TRAF3: variants seen among roughly 807,000 people sequenced by gnomAD.
TRAF3 encodes the protein TNF receptor-associated factor 3.
Under a neutral mutation model 62.3 loss-of-function variants are expected in TRAF3, and 13 were observed. The observed-to-expected ratio is 0.21, with a 90% CI of 0.14 to 0.33. TRAF3 has a LOEUF of 0.33. Ranked by LOEUF, TRAF3 falls within the 10% of genes least tolerant of loss-of-function variation. TRAF3 has a pLI of 1.00. For synonymous variants in TRAF3, 269 were observed against 283.4 expected (o/e 0.95, Z 0.51); for missense variants, 440 against 741.8 (o/e 0.59, Z 4.73).
chr14:102,896,905 A>T (rs907405416), intron 9 of TRAF3, among the ~76,000 whole-genome samples: 2 of 152,146 alleles, frequency 1.3e-5, no homozygotes, highest in South Asian at 2.1e-4. Context: ...CTCTAAAAAA[A>T]TTATTTTTTT....
rs796964912 is a variant in TRAF3, at chr14:102,787,811, CT to C, written c.-157+10149del. 1.2e-3 allele frequency among the ~76,000 whole-genome samples: 161 copies of C among 138,766 alleles called. 1 individual carries two copies. The highest frequency in any genetic ancestry group is 5.7e-3 in the East Asian group (27 of 4,770). 91.0% of individuals were successfully genotyped at this position (138,766 alleles called of 152,430 possible). A position where few individuals can be genotyped will look rare whatever the true frequency, so the allele number is the denominator to read the frequency against. ...GCTGTTGCTGTGGTCACTTGCCTTG[CT>C]TTTTTTTTTTTTCCATAGCAGAAAA... On this transcript the variant is annotated intron_variant, in intron 1 of 11. Transcript: ENST00000392745.
chr14:102,792,364 C>A (rs1897847437), intron 1 of TRAF3, among the ~76,000 whole-genome samples: 1 of 151,566 alleles, frequency 6.6e-6, no homozygotes, highest in African/African-American at 2.4e-5. Flanking sequence ...TCACCTTGAG[C>A]AGTTCTCCTG....
intron 10 of TRAF3, among the ~76,000 whole-genome samples, chr14:102,900,205 A>AAAAAAC (rs1443635739): frequency 1.5e-5 from 2 of 135,460 alleles, no homozygotes; most frequent in Non-Finnish European, 3.0e-5. Context: ...AAAAAAAAAG[A>AAAAAAC]CAGCCTAGGC....
At chr14:102,862,512 A>G (rs1887740898) in intron 2 of TRAF3, among the ~76,000 whole-genome samples, 1 of 151,518 alleles carries the variant, frequency 6.6e-6, no homozygotes, top group South Asian at 2.1e-4. Flanking sequence ...TGTTAATCTT[A>G]CTGAGAAATC....
At chr14:102,817,454 A>G (rs1226453162) in intron 1 of TRAF3, among the ~76,000 whole-genome samples, 1 of 152,086 alleles carries the variant, frequency 6.6e-6, no homozygotes, top group African/African-American at 2.4e-5. Context: ...TCTGGAAGGC[A>G]GGGTGTTCAG....
At chr14:102,882,546 G>A (rs886446145) in intron 6 of TRAF3, among the ~76,000 whole-genome samples, 9 of 149,334 alleles carry the variant, frequency 6.0e-5, no homozygotes, top group Non-Finnish European at 1.3e-4. Flanking sequence ...TCAGTGATGT[G>A]ATTTAATTCC....
chr14:102,885,054 C>T (rs1169866391), intron 6 of TRAF3, among the ~76,000 whole-genome samples: 1 of 152,186 alleles, frequency 6.6e-6, no homozygotes, highest in African/African-American at 2.4e-5. Context: ...TGCTGCCCTC[C>T]ACTCCCTTCT....
chr14:102,867,277 C>A (rs183300216), intron 2 of TRAF3, among the ~76,000 whole-genome samples: 2 of 152,332 alleles, frequency 1.3e-5, no homozygotes, highest in African/African-American at 4.8e-5. Flanking sequence ...TTGTGGACTA[C>A]ATACACACTT....
At chr14:102,797,014 A>G (rs1025791820) in intron 1 of TRAF3, among the ~76,000 whole-genome samples, 1 of 152,158 alleles carries the variant, frequency 6.6e-6, no homozygotes, top group Non-Finnish European at 1.5e-5. Flanking sequence ...GGTGACCAGC[A>G]TAGGGGCCAA....
intron 2 of TRAF3, among the ~76,000 whole-genome samples, chr14:102,834,041 G>A (rs1885815761): frequency 6.6e-6 from 1 of 151,872 alleles, no homozygotes; most frequent in South Asian, 2.1e-4. Flanking sequence ...GCGATTTACA[G>A]ACTCTCTGCT....
At position 102,909,469 on chromosome 14, in the gene TRAF3, C is replaced by T. The variant is rs1335813120; in HGVS notation, c.*3685C>T. ...ACAACAGCCAGTTGAACAGGGGAGCCCTTTGCTCAGGCAGCTTCTCCTGCC... is the reference window on the plus strand; with the variant it reads ...ACAACAGCCAGTTGAACAGGGGAGCTCTTTGCTCAGGCAGCTTCTCCTGCC... On this transcript the variant is annotated 3_prime_UTR_variant, in exon 12 of 12. Coordinates refer to ENST00000392745, the MANE Select transcript of TRAF3 (RefSeq NM_145725.3). 6.6e-6 allele frequency: 1 copy of T among 152,630 alleles called. No individual in the cohort carries two copies. The highest frequency in any genetic ancestry group is 2.4e-5 in the African/African-American group (1 of 41,468). 9.5% of individuals were successfully genotyped at this position (152,630 alleles called of 1,614,324 possible). A position where few individuals can be genotyped will look rare whatever the true frequency, so the allele number is the denominator to read the frequency against.
intron 2 of TRAF3, among the ~76,000 whole-genome samples, chr14:102,836,707 C>T (rs1886028591): frequency 6.6e-6 from 1 of 152,172 alleles, no homozygotes; most frequent in African/African-American, 2.4e-5. Context: ...GTTTATATAG[C>T]ATGAAGAATA....
At chr14:102,831,404 C>A (rs1400547557) in intron 2 of TRAF3, among the ~76,000 whole-genome samples, 2 of 152,226 alleles carry the variant, frequency 1.3e-5, no homozygotes, top group Admixed American at 6.5e-5. Context: ...TGTCCCCAAG[C>A]TCAGCAGGCG....
chr14:102,842,118 C>T (rs1451735128), intron 2 of TRAF3, among the ~76,000 whole-genome samples: 3 of 151,710 alleles, frequency 2.0e-5, no homozygotes, highest in Non-Finnish European at 2.9e-5. Flanking sequence ...GGTGCAGGCG[C>T]CTGTAATCCC....
chr14:102,853,420 C>A (rs961940475), intron 2 of TRAF3, among the ~76,000 whole-genome samples: 2 of 152,072 alleles, frequency 1.3e-5, no homozygotes, highest in African/African-American at 4.8e-5. Flanking sequence ...ATGTTCCCCC[C>A]ACCACCGTTT....
chr14:102,881,506 CAT>C (rs1368257251), intron 6 of TRAF3, among the ~76,000 whole-genome samples: 1 of 151,940 alleles, frequency 6.6e-6, no homozygotes, highest in East Asian at 1.9e-4. Context: ...AAAAACACCA[CAT>C]GTTCTCACTT....
intron 1 of TRAF3, among the ~76,000 whole-genome samples, chr14:102,794,063 C>A (rs377705380): frequency 1.2e-4 from 19 of 152,318 alleles, no homozygotes; most frequent in South Asian, 1.2e-3. Context: ...CTCTCAGGTC[C>A]TCTGCAGATG....
chr14:102,890,015 T>G (rs1056486891), intron 8 of TRAF3, among the ~76,000 whole-genome samples: 1 of 152,284 alleles, frequency 6.6e-6, no homozygotes, highest in African/African-American at 2.4e-5. Flanking sequence ...ACAGCGTGTG[T>G]GTCAGTACAC....
intron 1 of TRAF3, among the ~76,000 whole-genome samples, chr14:102,802,782 C>T (rs1387573068): frequency 1.3e-5 from 2 of 151,986 alleles, no homozygotes; most frequent in Admixed American, 6.6e-5. Flanking sequence ...GAGCCGAGAT[C>T]GTGCCACTGC....
Sources: gnomAD v4.1 joint callset for allele counts (sites outside exome capture counted in the v4.1 genomes callset) on GRCh38, gnomAD v4.1.1 for gene constraint, MANE v1.5 for transcripts, NCBI Gene and HGNC (gene_info 2026-07-23, HGNC 2026-07-21) for gene names.